The following SLIT2 variants were observed in gnomAD, a reference collection of about 807,000 sequenced individuals.
SLIT2 encodes the protein slit homolog 2 protein.
Under a neutral mutation model 185.7 loss-of-function variants are expected in SLIT2, and 41 were observed. The ratio of observed to expected loss-of-function variants is 0.22; its 90% CI spans 0.17 to 0.29. The LOEUF (loss-of-function observed/expected upper bound fraction) is 0.29. Ranked by LOEUF, SLIT2 falls within the 10% of genes least tolerant of loss-of-function variation. The pLI is 1.00. For missense variants in SLIT2, 1,571 were observed against 1,909.0 expected, an observed-to-expected ratio of 0.82 and a Z score of 3.30; for synonymous variants, 693 against 680.2, an observed-to-expected ratio of 1.02 and a Z score of -0.29.
chr4:20,391,536 G>A (rs920496918), intron 4 of SLIT2, among the ~76,000 whole-genome samples: 1 of 152,116 alleles, frequency 6.6e-6, no homozygotes, highest in Admixed American at 6.6e-5. Flanking sequence ...ACTTAAGCTG[G>A]AATTTTCATG....
chr4:20,455,495 A>C (rs1020766268), intron 4 of SLIT2, among the ~76,000 whole-genome samples: 1 of 152,196 alleles, frequency 6.6e-6, no homozygotes, highest in African/African-American at 2.4e-5. Context: ...GCTAGTCCCC[A>C]ACAGAGATAG....
chr4:20,554,256 A>G (rs189099108), intron 26 of SLIT2: 31 of 514,698 alleles, frequency 6.0e-5, no homozygotes, highest in African/African-American at 5.2e-4. Context: ...ATAGCCTCTA[A>G]CAAGTCAAAT....
chr4:20,330,896 G>A (rs578201348), intron 4 of SLIT2, among the ~76,000 whole-genome samples: 2 of 152,222 alleles, frequency 1.3e-5, no homozygotes, highest in South Asian at 4.1e-4. Context: ...AATTCATTAA[G>A]TGGCTTAGCC....
At chr4:20,472,995 A>G (rs1715723974) in intron 5 of SLIT2, among the ~76,000 whole-genome samples, 1 of 151,828 alleles carries the variant, frequency 6.6e-6, no homozygotes, top group South Asian at 2.1e-4. Context: ...TCACATCACA[A>G]AAACAAAATC....
intron 33 of SLIT2, among the ~76,000 whole-genome samples, chr4:20,598,846 AAT>A (rs1728189305): frequency 6.6e-6 from 1 of 152,124 alleles, no homozygotes; most frequent in African/African-American, 2.4e-5. Flanking sequence ...TCCTCCCAAC[AAT>A]CTCCTGTCTG....
intron 16 of SLIT2, among the ~76,000 whole-genome samples, chr4:20,529,358 G>C (rs2168801): frequency 6.6e-6 from 1 of 151,956 alleles, no homozygotes; most frequent in Non-Finnish European, 1.5e-5. Context: ...AATAACAATG[G>C]TATTTATTTG....
At chr4:20,336,672 A>G (rs1245508474) in intron 4 of SLIT2, among the ~76,000 whole-genome samples, 1 of 152,132 alleles carries the variant, frequency 6.6e-6, no homozygotes, top group Non-Finnish European at 1.5e-5. Context: ...CTAGAACTTA[A>G]AGTATAATAA....
At chr4:20,412,860 G>A (rs949665374) in intron 4 of SLIT2, among the ~76,000 whole-genome samples, 2 of 151,966 alleles carry the variant, frequency 1.3e-5, no homozygotes, top group Non-Finnish European at 2.9e-5. Context: ...AATTGTCTTG[G>A]GACCTTTAGG....
chr4:20,577,623 AC>A (rs1332807875), intron 29 of SLIT2, among the ~76,000 whole-genome samples: 1 of 152,196 alleles, frequency 6.6e-6, no homozygotes. Flanking sequence ...GAGAAAATAT[AC>A]ATACTTTTCT....
chr4:20,545,313 T>C (rs1723150007), intron 21 of SLIT2, among the ~76,000 whole-genome samples: 2 of 152,078 alleles, frequency 1.3e-5, no homozygotes, highest in Admixed American at 6.6e-5. Flanking sequence ...TTATTTTCCT[T>C]ATTGTGACAT....
At chr4:20,457,689 T>G (rs1249283954) in intron 4 of SLIT2, among the ~76,000 whole-genome samples, 4 of 152,208 alleles carry the variant, frequency 2.6e-5, no homozygotes, top group Non-Finnish European at 5.9e-5. Flanking sequence ...CTACTTTTCC[T>G]TTCTGGATCT....
intron 29 of SLIT2, among the ~76,000 whole-genome samples, chr4:20,580,065 TTATA>T (rs35298444): frequency 5.1e-5 from 7 of 138,508 alleles, no homozygotes; most frequent in East Asian, 2.0e-4. Context: ...TATGTATATA[TTATA>T]TATATATATA....
intron 8 of SLIT2, among the ~76,000 whole-genome samples, chr4:20,491,111 T>C (rs916735553): frequency 7.2e-5 from 11 of 152,334 alleles, no homozygotes; most frequent in Non-Finnish European, 1.6e-4. Context: ...AGGGAGCTAC[T>C]TATACCAAAA....
rs370270993 is a variant in SLIT2 at position 20,484,436 on chromosome 4, C to T, written c.540-1764C>T. Among the ~76,000 whole-genome samples, 1 of 152,038 alleles carries T rather than the reference C, an allele frequency of 6.6e-6. No homozygotes were observed. Among genetic ancestry groups the T allele is most frequent in the Non-Finnish European group, 1.5e-5 (1 of 67,988 alleles). ...ACAAATCCAGTGCTCTGTAGGTCCC[C>T]CATAAAGTGGTTTATTTTTTGTGAC... On this transcript the variant is annotated intron_variant, in intron 6 of 36. Transcript: ENST00000504154. This position sits in a 1 kb window ranked among gnomAD's most constrained non-coding sequence, Gnocchi z 4.3.
intron 5 of SLIT2, among the ~76,000 whole-genome samples, chr4:20,474,815 T>C (rs1425447496): frequency 6.6e-6 from 1 of 152,102 alleles, no homozygotes; most frequent in South Asian, 2.1e-4. Flanking sequence ...CATTGTTTAT[T>C]ATCTATTACT....
intron 4 of SLIT2, among the ~76,000 whole-genome samples, chr4:20,425,871 A>T (rs58036148): frequency 9.2e-5 from 14 of 152,074 alleles, no homozygotes; most frequent in African/African-American, 3.1e-4. Context: ...ATGCTTTTTC[A>T]TATGTCCCTT....
At chr4:20,292,883 A>C (rs554432768) in intron 4 of SLIT2, among the ~76,000 whole-genome samples, 38 of 152,318 alleles carry the variant, frequency 2.5e-4, no homozygotes, top group African/African-American at 8.9e-4. Flanking sequence ...TATTGATACA[A>C]TGATAATGAC....
intron 4 of SLIT2, among the ~76,000 whole-genome samples, chr4:20,397,713 TGAG>T (rs1726017139): frequency 6.6e-6 from 1 of 151,852 alleles, no homozygotes; most frequent in African/African-American, 2.4e-5. Flanking sequence ...TTTTTTAAAT[TGAG>T]ACTATTTTTA....
intron 4 of SLIT2, among the ~76,000 whole-genome samples, chr4:20,303,663 G>A (rs549273378): frequency 6.6e-6 from 1 of 152,306 alleles, no homozygotes; most frequent in East Asian, 1.9e-4. Context: ...CAGTGACACA[G>A]CATCAGGCTT....
Sources: allele counts gnomAD v4.1 joint callset (sites outside exome capture counted in the v4.1 genomes callset), GRCh38; gene constraint gnomAD v4.1.1; non-coding constraint Gnocchi (gnomAD v3.1); transcripts MANE v1.5; gene names NCBI Gene and HGNC (gene_info 2026-07-23, HGNC 2026-07-21).